Variants in LARP1B observed in about 807,000 individuals in gnomAD.
LARP1B encodes the protein la-related protein 1B.
Under a neutral mutation model 114.2 loss-of-function variants are expected in LARP1B, and 76 were observed. The ratio of observed to expected loss-of-function variants is 0.67; its 90% CI spans 0.55 to 0.81. The LOEUF is 0.81. Among genes scored for constraint, LARP1B ranks in the 30% least tolerant of loss-of-function variants. The pLI is 0.00. For synonymous variants in LARP1B, 345 were observed against 348.0 expected, an observed-to-expected ratio of 0.99 and a Z score of 0.10; for missense variants, 1,014 against 1,075.8, an observed-to-expected ratio of 0.94 and a Z score of 0.80.
rs1352296526 is a variant in LARP1B, at chr4:128,210,034, CCA to C, written c.2727_2728del (p.Ser910Ter). The C allele has an allele frequency of 6.2e-7, 1 of 1,614,016 alleles. No homozygotes were observed. The highest frequency in any genetic ancestry group is 8.5e-7 in the Non-Finnish European group (1 of 1,179,924). ...CCCAGAAGGAATATTTCACCGGAGT[CCA>C]GTGACAATTCACATTAAACAGTGCT... is the stretch of plus-strand genomic sequence containing the variant. On this transcript the variant is annotated frameshift_variant, in exon 20 of 20. Transcript: ENST00000326639. LOFTEE classifies it high-confidence loss of function.
chr4:128,098,887 C>A lies in LARP1B; in HGVS notation c.813+557C>A, dbSNP rs1232196948. Among the ~76,000 whole-genome samples, 5 of 147,754 alleles carry A rather than the reference C, an allele frequency of 3.4e-5. No individual in the cohort carries two copies. In the Admixed American group the frequency reaches 3.4e-4, roughly 10 times the overall value. ...CTGCCTCTTGGGTTCAAGCGATTCT[C>A]CTGCCTCAGCCTTCTGAGTAGCTGG... On this transcript the variant is annotated intron_variant, in intron 8 of 19. Transcript: ENST00000326639.
chr4:128,061,822 G>A (rs1760220611), intron 1 of LARP1B: 3 of 984,960 alleles, frequency 3.0e-6, no homozygotes, highest in Middle Eastern at 5.2e-4. Flanking sequence ...CCGAATGTGA[G>A]GGCAAAGAGG....
intron 1 of LARP1B, among the ~76,000 whole-genome samples, chr4:128,062,727 T>C (rs942070464): frequency 1.4e-4 from 20 of 144,860 alleles, no homozygotes; most frequent in Non-Finnish European, 2.7e-4. Context: ...TGAGCAGTCA[T>C]ATTAAAAATG....
At position 128,121,972 on chromosome 4, in the gene LARP1B, A is replaced by G; in HGVS notation, c.1308A>G (p.Ser436=). ...TTACTGATTGGTCTGATAATGATTC[A>G]GATTATGAAATTGATGACCAAGACT... is the stretch of plus-strand genomic sequence containing the variant. ...NTFTDWSDND[S]DYEIDDQDLN... Residue 436 remains serine, a synonymous_variant, in exon 11 of 20, where the codon TCA becomes TCG. Coordinates refer to ENST00000326639, the MANE Select transcript of LARP1B (RefSeq NM_018078.4). 6.2e-7 allele frequency: 1 copy of G among 1,613,020 alleles called. No individual in the cohort carries two copies. The highest frequency in any genetic ancestry group is 8.5e-7 in the Non-Finnish European group (1 of 1,179,970).
chr4:128,131,964 T>C (rs1248014379), intron 11 of LARP1B, among the ~76,000 whole-genome samples: 7 of 152,222 alleles, frequency 4.6e-5, no homozygotes. Flanking sequence ...GCTGGGAATG[T>C]AAAATGGTGC....
At chr4:128,131,483 C>G (rs1791561696) in intron 11 of LARP1B, among the ~76,000 whole-genome samples, 1 of 152,024 alleles carries the variant, frequency 6.6e-6, no homozygotes, top group Non-Finnish European at 1.5e-5. Flanking sequence ...GACAAATAAC[C>G]TAATTTTAAA....
chr4:128,213,087 T>A (rs1759214143), downstream of LARP1B, among the ~76,000 whole-genome samples: 1 of 151,878 alleles, frequency 6.6e-6, no homozygotes. Context: ...CCCGGCTAAT[T>A]TTGTATTTTT....
At chr4:128,185,988 A>C (rs1386891320) in intron 15 of LARP1B, among the ~76,000 whole-genome samples, 1 of 152,182 alleles carries the variant, frequency 6.6e-6, no homozygotes, top group Admixed American at 6.5e-5. Context: ...ATTGGCTGAT[A>C]ATGTGTAGAT....
intron 11 of LARP1B, among the ~76,000 whole-genome samples, chr4:128,152,196 A>G (rs1171541221): frequency 6.8e-6 from 1 of 148,012 alleles, no homozygotes; most frequent in Non-Finnish European, 1.5e-5. Context: ...TATGCTTATT[A>G]TAAGATGGTG....
chr4:128,097,295 A>C (rs1778423373), intron 7 of LARP1B, among the ~76,000 whole-genome samples: 1 of 151,740 alleles, frequency 6.6e-6, no homozygotes, highest in African/African-American at 2.4e-5. Flanking sequence ...GTGTTCACTA[A>C]GTTTTTTTTG....
intron 12 of LARP1B, among the ~76,000 whole-genome samples, chr4:128,163,684 A>T (rs1739498874): frequency 6.6e-6 from 1 of 152,110 alleles, no homozygotes; most frequent in Non-Finnish European, 1.5e-5. Context: ...TTCGCTGGTG[A>T]CTAATGAAGT....
chr4:128,081,374 C>T (rs943797879), intron 4 of LARP1B, among the ~76,000 whole-genome samples: 6 of 132,108 alleles, frequency 4.5e-5, no homozygotes, highest in African/African-American at 1.4e-4. Flanking sequence ...CCACTGCGCC[C>T]GGCCTTTTTT....
chr4:128,099,807 T>C (rs533033581), intron 8 of LARP1B, among the ~76,000 whole-genome samples: 2 of 152,180 alleles, frequency 1.3e-5, no homozygotes, highest in Non-Finnish European at 1.5e-5. Context: ...TGCCTATCTT[T>C]ATAAGAAAAT....
chr4:128,199,666 T>C (rs1381652497), intron 16 of LARP1B, 67 bp downstream of exon 16: 6 of 800,504 alleles, frequency 7.5e-6, no homozygotes, highest in African/African-American at 5.4e-5. Flanking sequence ...AAAATTTAAA[T>C]GTTGTCATTT....
At chr4:128,143,793 CA>C (rs1442807689) in intron 11 of LARP1B, among the ~76,000 whole-genome samples, 41 of 52,546 alleles carry the variant, frequency 7.8e-4, no homozygotes, top group African/African-American at 1.8e-3. Flanking sequence ...AGTTAAGGCA[CA>C]GGGTGTGTGT....
At chr4:128,194,466 A>C (rs1460531503) in intron 15 of LARP1B, among the ~76,000 whole-genome samples, 1 of 149,874 alleles carries the variant, frequency 6.7e-6, no homozygotes, top group African/African-American at 2.4e-5. Flanking sequence ...GCGGATCACG[A>C]GGTCAGGAGA....
chr4:128,206,518 CA>C lies in LARP1B; in HGVS notation c.2406del (p.Asp803ThrfsTer10). ...TTTTTCAGGATTTCCAAGAAGAAAC[CA>C]AAAAAGACTACGAATCTGGTAACAA... The part of the protein sequence containing the change: ...EIFQDFQEET[K>X]KDYESGQLYG... On this transcript the variant is annotated frameshift_variant, in exon 18 of 20. Coordinates refer to ENST00000326639, the MANE Select transcript of LARP1B (RefSeq NM_018078.4). LOFTEE classifies it high-confidence loss of function. The C allele has an allele frequency of 1.9e-6, 3 of 1,609,266 alleles. No homozygotes were observed. Among genetic ancestry groups the C allele is most frequent in the Non-Finnish European group, 1.7e-6 (2 of 1,178,254 alleles).
chr4:128,063,045 G>C (rs1376878986), intron 1 of LARP1B, among the ~76,000 whole-genome samples: 2 of 152,176 alleles, frequency 1.3e-5, no homozygotes, highest in Non-Finnish European at 2.9e-5. Context: ...CCCTTTAGAG[G>C]AGATAAGATT....
At chr4:128,153,498 GT>G (rs995097859) in intron 11 of LARP1B, among the ~76,000 whole-genome samples, 2 of 151,930 alleles carry the variant, frequency 1.3e-5, no homozygotes, top group Non-Finnish European at 2.9e-5. Flanking sequence ...TAGAGATGGG[GT>G]TTCACCATTT....
Sources: allele counts gnomAD v4.1 joint callset (sites outside exome capture counted in the v4.1 genomes callset), GRCh38; gene constraint gnomAD v4.1.1; transcripts MANE v1.5; gene names NCBI Gene and HGNC (gene_info 2026-07-23, HGNC 2026-07-21).